CACNA1A: variants seen among roughly 807,000 people sequenced by gnomAD.
CACNA1A encodes calcium voltage-gated channel subunit alpha1 A.
A neutral mutation model predicts 262.4 loss-of-function variants in CACNA1A; 57 were observed. The ratio of observed to expected loss-of-function variants is 0.22; its 90% CI spans 0.18 to 0.27. CACNA1A has a LOEUF of 0.27. Among genes scored for constraint, CACNA1A ranks in the 10% least tolerant of loss-of-function variants. The pLI is 1.00. For synonymous variants in CACNA1A, 1,431 were observed against 1,419.3 expected (o/e 1.01, Z -0.18); for missense variants, 2,526 against 3,562.8 (o/e 0.71, Z 7.41).
chr19:13,386,975 C>A (rs2059626512), intron 3 of CACNA1A, among the ~76,000 whole-genome samples: 1 of 151,826 alleles, frequency 6.6e-6, no homozygotes, highest in Admixed American at 6.6e-5. Context: ...GTTTTTGAGA[C>A]AAATCTCACT....
At chr19:13,302,245 G>A (rs1417748676) in intron 17 of CACNA1A, among the ~76,000 whole-genome samples, 2 of 152,128 alleles carry the variant, frequency 1.3e-5, no homozygotes, top group Non-Finnish European at 2.9e-5. Flanking sequence ...ATTTTTCTCT[G>A]TTGTGTTTAT....
rs1004980672 is a variant in CACNA1A, at chr19:13,206,756, T to A, written c.*557A>T. 4 of 154,248 alleles carry A rather than the reference T, an allele frequency of 2.6e-5. No homozygotes were observed. Among genetic ancestry groups the A allele is most frequent in the African/African-American group, 9.7e-5 (4 of 41,422 alleles). 9.6% of individuals were successfully genotyped at this position (154,248 alleles called of 1,614,324 possible). A position where few individuals can be genotyped will look rare whatever the true frequency, so the allele number is the denominator to read the frequency against. On this transcript the variant is annotated 3_prime_UTR_variant, in exon 47 of 47. Transcript: ENST00000360228. ...TAACCGGCAAGCACTCTTGTGTGTG[T>A]CTGAGAACGTGTGTGGGTGTGAGTG...
intron 1 of CACNA1A, among the ~76,000 whole-genome samples, chr19:13,486,156 A>G (rs1325229200): frequency 6.6e-6 from 1 of 152,238 alleles, no homozygotes. Flanking sequence ...AGGTGGTACA[A>G]CCACACAAGA....
intron 6 of CACNA1A, 31 bp downstream of exon 6, chr19:13,359,575 T>C (rs1004331325): frequency 7.7e-6 from 12 of 1,565,936 alleles, no homozygotes; most frequent in Non-Finnish European, 9.6e-6. Flanking sequence ...AGACTCTGAT[T>C]GTCCACACAC....
chr19:13,213,657 T>G, intron 40 of CACNA1A: 1 of 147,340 alleles, frequency 6.8e-6, no homozygotes, highest in Non-Finnish European at 1.5e-5. Flanking sequence ...CCACATGATG[T>G]GTCCTTGGCA....
intron 34 of CACNA1A, among the ~76,000 whole-genome samples, chr19:13,234,340 A>T (rs1403784989): frequency 1.7e-5 from 2 of 115,832 alleles, no homozygotes; most frequent in African/African-American, 6.9e-5. Flanking sequence ...ACAGAGCGAG[A>T]CTCCATCTCC....
At chr19:13,467,411 G>T (rs1384613236) in intron 1 of CACNA1A, among the ~76,000 whole-genome samples, 1 of 151,974 alleles carries the variant, frequency 6.6e-6, no homozygotes, top group Non-Finnish European at 1.5e-5. Context: ...AGCCCAGAAG[G>T]TCAAGGCTGC....
At position 13,490,692 on chromosome 19, in the gene CACNA1A, G is replaced by GAAA. The variant is rs1980678235; in HGVS notation, c.293+15239_293+15240insTTT. The stretch of plus-strand genomic sequence containing the variant: ...AGAAAGAGAGAGAGAGAGAAAGAAA[G>GAAA]GAAAGAAAGAAAGAAAGAAAGAAAG... On this transcript the variant is annotated intron_variant, in intron 1 of 46. Transcript: ENST00000360228. Among the ~76,000 whole-genome samples, 422 of 132,698 alleles carry GAAA rather than the reference G, an allele frequency of 3.2e-3. 3 individuals are homozygous for GAAA. The highest frequency in any genetic ancestry group is 0.011 in the African/African-American group (390 of 34,684). 87.1% of individuals were successfully genotyped at this position (132,698 alleles called of 152,430 possible).
rs138672066 is a variant in CACNA1A, at chr19:13,431,802, C to T, written c.539+21074G>A. On this transcript the variant is annotated intron_variant, in intron 3 of 46. Coordinates refer to ENST00000360228, the MANE Select transcript of CACNA1A (RefSeq NM_001127222.2). ...CAGAAACGCAAATAGTACACAATCT[C>T]GCTTATATGTGAGCTCTAAAAAATT... 4.4e-3 allele frequency among the ~76,000 whole-genome samples: 668 copies of T among 152,140 alleles called. 11 individuals carry two copies. The highest frequency in any genetic ancestry group is 0.015 in the African/African-American group (642 of 41,514).
chr19:13,394,442 T>G (rs1253436993), intron 3 of CACNA1A, among the ~76,000 whole-genome samples: 1 of 152,182 alleles, frequency 6.6e-6, no homozygotes, highest in African/African-American at 2.4e-5. Flanking sequence ...AGTTGGAAGA[T>G]CTCGAGGACC....
At chr19:13,416,746 C>T (rs953836235) in intron 3 of CACNA1A, among the ~76,000 whole-genome samples, 2 of 152,070 alleles carry the variant, frequency 1.3e-5, no homozygotes, top group Non-Finnish European at 2.9e-5. Flanking sequence ...ATCCAGGAGG[C>T]GGAGGTGGCA....
chr19:13,489,401 A>C (rs1980484271), intron 1 of CACNA1A, among the ~76,000 whole-genome samples: 1 of 151,308 alleles, frequency 6.6e-6, no homozygotes, highest in African/African-American at 2.4e-5. Context: ...AGATCCTCCT[A>C]CCTCAGCCTC....
At chr19:13,327,241 T>C (rs191015040) in intron 10 of CACNA1A, among the ~76,000 whole-genome samples, 57 of 152,280 alleles carry the variant, frequency 3.7e-4, no homozygotes, top group African/African-American at 1.4e-3. Flanking sequence ...GCCAGAATCC[T>C]GGAATTCCAG....
chr19:13,213,353 C>T (rs1189355314), intron 40 of CACNA1A, among the ~76,000 whole-genome samples: 2 of 152,192 alleles, frequency 1.3e-5, no homozygotes, highest in Non-Finnish European at 2.9e-5. Context: ...ATGTCACTTT[C>T]TCAGGGAGGC....
chr19:13,428,911 A>G (rs557706345), intron 3 of CACNA1A, among the ~76,000 whole-genome samples: 147 of 152,172 alleles, frequency 9.7e-4, no homozygotes, highest in African/African-American at 3.3e-3. Flanking sequence ...AAAAGGAGGA[A>G]AACAACAGTG....
At chr19:13,266,011 A>C (rs2056852649) in intron 24 of CACNA1A, among the ~76,000 whole-genome samples, 1 of 151,824 alleles carries the variant, frequency 6.6e-6, no homozygotes, top group Admixed American at 6.6e-5. Context: ...CGTCCGGCTA[A>C]TTTTGTATTT....
intron 3 of CACNA1A, among the ~76,000 whole-genome samples, chr19:13,400,987 G>C (rs2059891219): frequency 6.6e-6 from 1 of 152,106 alleles, no homozygotes; most frequent in South Asian, 2.1e-4. Flanking sequence ...GCCACACCCA[G>C]CTAATTTTTC....
chr19:13,299,381 AGCATTGCTAG>A, intron 18 of CACNA1A, 28 bp from the exon 19 acceptor site: 1 of 1,590,526 alleles, frequency 6.3e-7, no homozygotes, highest in Non-Finnish European at 8.5e-7. Context: ...CAGGACTTAG[AGCATTGCTAG>A]GCACTGTAGC....
chr19:13,452,761 G>C (rs753266395), intron 3 of CACNA1A, 115 bp downstream of exon 3: 26 of 912,966 alleles, frequency 2.8e-5, no homozygotes, highest in Non-Finnish European at 4.4e-5. Flanking sequence ...CGCATAACAA[G>C]GGGAGGGAGA....
Sources: gnomAD v4.1 joint callset for allele counts (sites outside exome capture counted in the v4.1 genomes callset) on GRCh38, gnomAD v4.1.1 for gene constraint, MANE v1.5 for transcripts, NCBI Gene and HGNC (gene_info 2026-07-23, HGNC 2026-07-21) for gene names.